The following CRPPA variants were observed in gnomAD, a reference collection of about 807,000 sequenced individuals.
CRPPA encodes the protein D-ribitol-5-phosphate cytidylyltransferase.
CRPPA carries 43 observed loss-of-function variants against 52.0 expected under a neutral mutation model. The ratio of observed to expected loss-of-function variants is 0.83; its 90% CI spans 0.65 to 1.07. The LOEUF is 1.07. Ranked by LOEUF, CRPPA falls within the 50% of genes least tolerant of loss-of-function variation. The pLI, the probability that CRPPA is intolerant of heterozygous loss-of-function variation, is 0.00. For synonymous variants in CRPPA, 250 were observed against 203.5 expected, an observed-to-expected ratio of 1.23 and a Z score of -1.94; for missense variants, 629 against 551.7, an observed-to-expected ratio of 1.14 and a Z score of -1.40.
In CRPPA at chr7:16,421,075, G is replaced by A. The variant is rs886044513; in HGVS notation, c.248C>T (p.Ala83Val). Residue 83 changes from alanine to valine, a missense_variant, in exon 1 of 10, where the codon GCC becomes GTC. By Grantham distance (64) the Ala-to-Val change is moderately conservative. Transcript: ENST00000407010. ...CCCGGCGCCGCATTACCTCTCCAGG[G>A]CCTGTAGGGTGTAGCTGATGAGCGG... ...ERPLISYTLQ[A>V]LERVCWIKDI... 4.7e-6 allele frequency: 6 copies of A among 1,288,802 alleles called. No individual in the cohort carries two copies. The highest frequency in any genetic ancestry group is 4.6e-5 in the African/African-American group (3 of 64,724). 79.8% of individuals were successfully genotyped at this position (1,288,802 alleles called of 1,614,324 possible). A position where few individuals can be genotyped will look rare whatever the true frequency, so the allele number is the denominator to read the frequency against.
At chr7:16,335,082 G>C (rs1267733791) in intron 3 of CRPPA, among the ~76,000 whole-genome samples, 1 of 146,796 alleles carries the variant, frequency 6.8e-6, no homozygotes, top group Non-Finnish European at 1.5e-5. Context: ...CAATCTGGGA[G>C]GCTGAGGCAG....
At chr7:16,185,826 C>G (rs1781494926) in intron 9 of CRPPA, among the ~76,000 whole-genome samples, 1 of 152,084 alleles carries the variant, frequency 6.6e-6, no homozygotes, top group Non-Finnish European at 1.5e-5. Context: ...AAGTGGCAGT[C>G]AAATAGTGAC....
intron 5 of CRPPA, among the ~76,000 whole-genome samples, chr7:16,299,120 T>C (rs1209355339): frequency 2.0e-5 from 3 of 152,344 alleles, no homozygotes; most frequent in Middle Eastern, 3.4e-3. Flanking sequence ...CCCTGATTAA[T>C]ACACTAGGAA....
At chr7:16,199,864 T>C (rs1171795115) in intron 9 of CRPPA, among the ~76,000 whole-genome samples, 1 of 150,158 alleles carries the variant, frequency 6.7e-6, no homozygotes, top group Non-Finnish European at 1.5e-5. Flanking sequence ...CTTTTTTTTT[T>C]TTTTTTTTTT....
chr7:16,116,658 CG>C (rs1562511864), intron 9 of CRPPA, among the ~76,000 whole-genome samples: 5 of 7,158 alleles, frequency 7.0e-4, no homozygotes, highest in South Asian at 6.7e-3. Flanking sequence ...GAGACTCGGT[CG>C]AAAAAAAAAA....
At chr7:16,329,781 C>A (rs1165292800) in intron 3 of CRPPA, among the ~76,000 whole-genome samples, 1 of 152,024 alleles carries the variant, frequency 6.6e-6, no homozygotes, top group Non-Finnish European at 1.5e-5. Flanking sequence ...TTACAAAAGG[C>A]CCAAATAAAA....
chr7:16,412,225 T>C (rs1043193954), intron 1 of CRPPA, among the ~76,000 whole-genome samples: 4 of 152,192 alleles, frequency 2.6e-5, no homozygotes, highest in African/African-American at 9.6e-5. Flanking sequence ...AAACTGCCAA[T>C]TTCGGGTCCC....
At chr7:16,099,521 AAGG>A (rs919652110) in intron 9 of CRPPA, among the ~76,000 whole-genome samples, 6 of 150,228 alleles carry the variant, frequency 4.0e-5, no homozygotes, top group African/African-American at 1.5e-4. Flanking sequence ...GGAAAGAGGG[AAGG>A]AGAAGGGAAG....
intron 9 of CRPPA, among the ~76,000 whole-genome samples, chr7:16,145,436 G>A (rs1026617759): frequency 6.6e-6 from 1 of 152,060 alleles, no homozygotes; most frequent in African/African-American, 2.4e-5. Flanking sequence ...TGAAGAATGA[G>A]GCAAATATGA....
intron 3 of CRPPA, among the ~76,000 whole-genome samples, chr7:16,360,913 T>C (rs926671251): frequency 6.6e-6 from 1 of 152,000 alleles, no homozygotes; most frequent in Non-Finnish European, 1.5e-5. Flanking sequence ...CATCAGAAGA[T>C]GTATCAATAA....
At chr7:16,307,298 G>C (rs556383070) in intron 4 of CRPPA, among the ~76,000 whole-genome samples, 8 of 152,176 alleles carry the variant, frequency 5.3e-5, no homozygotes, top group Non-Finnish European at 1.2e-4. Context: ...ATGAAACAAA[G>C]AATCACACTC....
chr7:16,237,591 C>T (rs570325951), intron 8 of CRPPA, among the ~76,000 whole-genome samples: 17 of 152,316 alleles, frequency 1.1e-4, no homozygotes, highest in African/African-American at 3.8e-4. Flanking sequence ...CTAGTCCTCA[C>T]TACCACTATT....
At position 16,372,647 on chromosome 7, in the gene CRPPA, C is replaced by T. The variant is rs115031602; in HGVS notation, c.684+3445G>A. On this transcript the variant is annotated intron_variant, in intron 3 of 9. Transcript: ENST00000407010. ...ACAATAACATAATGAAAAAAAGGACCTAGGTAAGAGCTAACATGATAAATA... is the reference window on the plus strand; with the variant it reads ...ACAATAACATAATGAAAAAAAGGACTTAGGTAAGAGCTAACATGATAAATA... Among the ~76,000 whole-genome samples the T allele has an allele frequency of 2.8e-3, 425 of 152,168 alleles. 2 individuals carry two copies. Among genetic ancestry groups the T allele is most frequent in the African/African-American group, 9.7e-3 (404 of 41,528 alleles).
chr7:16,088,599 T>C lies in CRPPA; in HGVS notation c.*3096A>G, dbSNP rs1783589415. 6.6e-6 allele frequency: 1 copy of C among 152,218 alleles called. No individual in the cohort carries two copies. The highest frequency in any genetic ancestry group is 2.1e-4 in the South Asian group (1 of 4,830). 9.4% of individuals were successfully genotyped at this position (152,218 alleles called of 1,614,324 possible). On this transcript the variant is annotated 3_prime_UTR_variant, in exon 10 of 10. Coordinates refer to ENST00000407010, the MANE Select transcript of CRPPA (RefSeq NM_001101426.4). ...TGCCTGGCTATTTTTTTTGTATTTT[T>C]ACTAGAGACGGGGTTTCACCGCATT...
chr7:16,278,020 AACATTATG>A (rs1784244999), intron 6 of CRPPA, 101 bp downstream of exon 6: 1 of 676,372 alleles, frequency 1.5e-6, no homozygotes, highest in East Asian at 2.7e-5. Context: ...AAATAATAAG[AACATTATG>A]ATTAAGGGAT....
At chr7:16,097,676 C>T (rs891823487) in intron 9 of CRPPA, among the ~76,000 whole-genome samples, 1 of 152,174 alleles carries the variant, frequency 6.6e-6, no homozygotes, top group African/African-American at 2.4e-5. Flanking sequence ...TATCCAGCAT[C>T]AAGTGAAGTC....
chr7:16,313,044 T>G (rs998520083), intron 3 of CRPPA, among the ~76,000 whole-genome samples: 3 of 151,902 alleles, frequency 2.0e-5, no homozygotes, highest in Non-Finnish European at 2.9e-5. Flanking sequence ...TGTAACACCT[T>G]TTTTGTATGG....
intron 5 of CRPPA, among the ~76,000 whole-genome samples, chr7:16,296,143 G>T (rs1784670621): frequency 6.6e-6 from 1 of 152,006 alleles, no homozygotes. Context: ...TACCATAAAT[G>T]AAAATACATA....
intron 3 of CRPPA, among the ~76,000 whole-genome samples, chr7:16,345,661 G>C (rs573547561): frequency 1.3e-5 from 2 of 152,188 alleles, no homozygotes; most frequent in African/African-American, 2.4e-5. Context: ...AAAATTTTCA[G>C]TTAAAAAATA....
Sources: gnomAD v4.1 joint callset for allele counts (sites outside exome capture counted in the v4.1 genomes callset) on GRCh38, gnomAD v4.1.1 for gene constraint, MANE v1.5 for transcripts, NCBI Gene and HGNC (gene_info 2026-07-23, HGNC 2026-07-21) for gene names.